DLG5: variants seen among roughly 807,000 people sequenced by gnomAD.
The protein encoded by DLG5 is disks large homolog 5.
Under a neutral mutation model 189.8 loss-of-function variants are expected in DLG5, and 48 were observed. The observed-to-expected ratio is 0.25, with a 90% CI of 0.20 to 0.32. The LOEUF (loss-of-function observed/expected upper bound fraction) is 0.32. Among genes scored for constraint, DLG5 ranks in the 10% least tolerant of loss-of-function variants. The pLI is 1.00. For missense variants in DLG5, 2,160 were observed against 2,544.7 expected, an observed-to-expected ratio of 0.85 and a Z score of 3.25; for synonymous variants, 1,016 against 1,054.1, an observed-to-expected ratio of 0.96 and a Z score of 0.70.
intron 1 of DLG5, among the ~76,000 whole-genome samples, chr10:77,886,504 C>A (rs1202334881): frequency 1.3e-5 from 2 of 151,962 alleles, no homozygotes; most frequent in Admixed American, 1.3e-4. Flanking sequence ...CAGGCACACA[C>A]CACCAGGCCT....
At chr10:77,858,742 A>T (rs1177286482) in intron 2 of DLG5, among the ~76,000 whole-genome samples, 2 of 152,218 alleles carry the variant, frequency 1.3e-5, no homozygotes, top group Non-Finnish European at 2.9e-5. Context: ...ATATATGAAT[A>T]TATTTGTGTC....
Position 77,835,613 on chromosome 10 carries a change from G to A in DLG5, c.1622+125C>T, listed in dbSNP as rs548254678. ...GCATCAACTAGGGGTGAGAAAGGAG[G>A]AGCCCAGGTCCCTCCCACTTTACCT... On this transcript the variant is annotated intron_variant, in intron 8 of 31. Transcript: ENST00000372391. The A allele has an allele frequency of 5.9e-6, 6 of 1,021,136 alleles. 1 individual carries two copies. The highest frequency in any genetic ancestry group is 5.9e-5 in the Admixed American group (2 of 34,054). 63.3% of individuals were successfully genotyped at this position (1,021,136 alleles called of 1,614,324 possible).
At chr10:77,932,054 T>C in the DLG5 span, among the ~76,000 whole-genome samples, 1,977 of 152,360 alleles carry the variant, frequency 0.013, 35 homozygotes, top group African/African-American at 0.044. Context: ...TGGCAACTTA[T>C]GAGCTGAGCG....
Position 77,826,769 on chromosome 10 carries a change from G to A in DLG5, c.2289+2113C>T, listed in dbSNP as rs182047504. On this transcript the variant is annotated intron_variant, in intron 13 of 31. Transcript: ENST00000372391. ...TCGAGACCAGGCTGGCCAAAATGGC[G>A]AAACCCCGTCTCTACTAAAAGTACA... Among the ~76,000 whole-genome samples the A allele has an allele frequency of 2.3e-3, 344 of 152,288 alleles. 2 individuals are homozygous for A. The highest frequency in any genetic ancestry group is 0.018 in the South Asian group (85 of 4,830).
intron 13 of DLG5, among the ~76,000 whole-genome samples, chr10:77,826,125 C>T (rs1274609470): frequency 6.6e-6 from 1 of 151,988 alleles, no homozygotes; most frequent in African/African-American, 2.4e-5. Context: ...CATTCATGTC[C>T]TCTGACCCAG....
At chr10:77,802,206 G>A (rs1841242285) in intron 27 of DLG5, among the ~76,000 whole-genome samples, 1 of 152,186 alleles carries the variant, frequency 6.6e-6, no homozygotes, top group African/African-American at 2.4e-5. Context: ...AAACCTGTGT[G>A]TTTGAAGCCA....
At position 77,856,601 on chromosome 10, in the gene DLG5, G is replaced by A. The variant is rs750487357; in HGVS notation, c.536+129C>T. ...GAAGCATTTCTGGACATGAGGTGGG[G>A]GAAAGGGGACACTCAGGCAGCGCAG... On this transcript the variant is annotated intron_variant, in intron 3 of 31. Coordinates refer to ENST00000372391, the MANE Select transcript of DLG5 (RefSeq NM_004747.4). 1,542 of 1,228,656 alleles carry A rather than the reference G, an allele frequency of 1.3e-3. 2 individuals are homozygous for A. Among genetic ancestry groups the A allele is most frequent in the Non-Finnish European group, 1.6e-3 (1,433 of 879,454 alleles). The allele number at this position is 1,228,656 out of a possible 1,614,324, so 76.1% of individuals were successfully genotyped here.
chr10:77,919,645 A>T (rs1393741643), intron 1 of DLG5, among the ~76,000 whole-genome samples: 1 of 135,372 alleles, frequency 7.4e-6, no homozygotes, highest in African/African-American at 2.8e-5. Flanking sequence ...TTTTGAGGAC[A>T]TCAAGTTGAC....
At chr10:77,924,299 A>AG in intron 1 of DLG5, among the ~76,000 whole-genome samples, 1 of 152,330 alleles carries the variant, frequency 6.6e-6, no homozygotes, top group Admixed American at 6.5e-5. Flanking sequence ...TCAATGCCCT[A>AG]GGGGATAAAA....
intron 9 of DLG5, among the ~76,000 whole-genome samples, chr10:77,833,293 A>G (rs1261993): frequency 0.73 from 110,125 of 151,876 alleles, 40,567 homozygotes; most frequent in African/African-American, 0.85. Context: ...TTCCAAATGG[A>G]CGTCCAAATA....
intron 31 of DLG5, chr10:77,792,836 A>G: frequency 2.4e-6 from 1 of 419,954 alleles, no homozygotes; most frequent in Non-Finnish European, 4.3e-6. Context: ...TTTGGAGGAC[A>G]TGTGGCGGTG....
intron 27 of DLG5, among the ~76,000 whole-genome samples, chr10:77,801,814 C>T (rs1841220228): frequency 6.6e-6 from 1 of 152,260 alleles, no homozygotes; most frequent in South Asian, 2.1e-4. Flanking sequence ...AAGACTGACT[C>T]ATGTCCTAAG....
chr10:77,878,381 C>T (rs1391049714), intron 1 of DLG5, among the ~76,000 whole-genome samples: 8 of 152,186 alleles, frequency 5.3e-5, no homozygotes, highest in African/African-American at 1.9e-4. Flanking sequence ...CAGAGCCAGG[C>T]GCACAGCAAG....
intron 2 of DLG5, chr10:77,866,898 A>G (rs570446935): frequency 2.3e-6 from 1 of 441,506 alleles, no homozygotes; most frequent in South Asian, 1.6e-5. Context: ...AGAGCAAGAG[A>G]AGCAAAACTC....
chr10:77,897,095 C>T (rs1845782662), intron 1 of DLG5, among the ~76,000 whole-genome samples: 2 of 152,070 alleles, frequency 1.3e-5, no homozygotes, highest in Non-Finnish European at 1.5e-5. Context: ...GTGGCTCACA[C>T]CTATAATCCC....
At chr10:77,900,688 G>A (rs148886941) in intron 1 of DLG5, among the ~76,000 whole-genome samples, 3,937 of 152,108 alleles carry the variant, frequency 0.026, 179 homozygotes, top group African/African-American at 0.09. Flanking sequence ...TGTAATCCCA[G>A]CACTTTGGGA....
chr10:77,932,866 G>A, the DLG5 span, among the ~76,000 whole-genome samples: 3 of 152,154 alleles, frequency 2.0e-5, no homozygotes, highest in Non-Finnish European at 2.9e-5. Context: ...CTGCTCAGGT[G>A]ACTGAGGAGG....
In DLG5 at chr10:77,926,713, G is replaced by A. The variant is rs1846707791; in HGVS notation, c.-193C>T. 5.9e-6 allele frequency: 1 copy of A among 169,832 alleles called. No individual in the cohort carries two copies. The highest frequency in any genetic ancestry group is 2.4e-5 in the African/African-American group (1 of 41,652). The allele number at this position is 169,832 out of a possible 1,614,324, so 10.5% of individuals were successfully genotyped here. On this transcript the variant is annotated 5_prime_UTR_variant, in exon 1 of 32. Transcript: ENST00000372391. This position sits in a 1 kb window ranked among gnomAD's most constrained non-coding sequence, Gnocchi z 5.2. ...GCGCTCAGCAGCGGCCGCCTCCCGG[G>A]CTCCGGAGCGCAGCCATGTTGGCTG...
intron 1 of DLG5, among the ~76,000 whole-genome samples, chr10:77,899,065 C>G (rs903714441): frequency 6.6e-6 from 1 of 152,238 alleles, no homozygotes; most frequent in African/African-American, 2.4e-5. Flanking sequence ...TCTCCCACAT[C>G]TGTGCCCTCC....
Sources: gnomAD v4.1 joint callset for allele counts (sites outside exome capture counted in the v4.1 genomes callset) on GRCh38, gnomAD v4.1.1 for gene constraint, Gnocchi (gnomAD v3.1) non-coding constraint, MANE v1.5 for transcripts, NCBI Gene and HGNC (gene_info 2026-07-23, HGNC 2026-07-21) for gene names.